The following DNAJC18 variants were observed in gnomAD, a reference collection of about 807,000 sequenced individuals.
DNAJC18 encodes the protein dnaJ homolog subfamily C member 18.
A neutral mutation model predicts 48.6 loss-of-function variants in DNAJC18; 40 were observed. That is an observed-to-expected ratio of 0.82 (90% CI 0.64 to 1.07). The LOEUF (loss-of-function observed/expected upper bound fraction) is 1.07, where lower values mean the gene tolerates loss of function less well. Ranked by LOEUF, DNAJC18 falls within the 50% of genes least tolerant of loss-of-function variation. The pLI is 0.00. For missense variants in DNAJC18, 340 were observed against 427.7 expected, an observed-to-expected ratio of 0.79 and a Z score of 1.81; for synonymous variants, 135 against 152.2, an observed-to-expected ratio of 0.89 and a Z score of 0.83.
At chr5:139,416,396 T>C (rs902711354) in intron 7 of DNAJC18, among the ~76,000 whole-genome samples, 1 of 152,122 alleles carries the variant, frequency 6.6e-6, no homozygotes, top group Non-Finnish European at 1.5e-5. Context: ...GAACCTCTCC[T>C]AAGGTTCTCT....
At chr5:139,429,080 C>CTTT (rs559935676) in intron 2 of DNAJC18, among the ~76,000 whole-genome samples, 53 of 114,570 alleles carry the variant, frequency 4.6e-4, no homozygotes, top group Non-Finnish European at 5.2e-4. Context: ...GTATTTTTTG[C>CTTT]TTTTTTTTTT....
intron 6 of DNAJC18, among the ~76,000 whole-genome samples, chr5:139,421,802 T>C (rs183295117): frequency 1.6e-3 from 243 of 152,234 alleles, no homozygotes; most frequent in African/African-American, 5.6e-3. Flanking sequence ...AGTGAGACTC[T>C]GTCTCAAAAA....
At chr5:139,415,684 A>G (rs1759060498) in intron 7 of DNAJC18, among the ~76,000 whole-genome samples, 1 of 152,230 alleles carries the variant, frequency 6.6e-6, no homozygotes, top group Non-Finnish European at 1.5e-5. Context: ...CATCCTGCCC[A>G]GGGCTCGGCA....
chr5:139,429,215 C>T (rs1310675515), intron 2 of DNAJC18, among the ~76,000 whole-genome samples: 4 of 151,614 alleles, frequency 2.6e-5, no homozygotes, highest in African/African-American at 7.3e-5. Context: ...TCCCGAGTAG[C>T]TGAGATTACA....
At chr5:139,415,534 G>C (rs1759058238) in intron 7 of DNAJC18, among the ~76,000 whole-genome samples, 1 of 152,240 alleles carries the variant, frequency 6.6e-6, no homozygotes, top group Admixed American at 6.5e-5. Context: ...CCAGGCTCCA[G>C]AACAATGCGC....
At chr5:139,434,208 T>A (rs533802395) in intron 2 of DNAJC18, among the ~76,000 whole-genome samples, 4 of 152,136 alleles carry the variant, frequency 2.6e-5, no homozygotes, top group Non-Finnish European at 5.9e-5. Context: ...ATCTAAAAAA[T>A]TTTTCCAATG....
intron 5 of DNAJC18, among the ~76,000 whole-genome samples, chr5:139,423,214 A>G (rs1243747298): frequency 6.6e-6 from 1 of 152,196 alleles, no homozygotes; most frequent in Non-Finnish European, 1.5e-5. Context: ...AATGCACTGC[A>G]TAGGAGGATC....
At position 139,426,253 on chromosome 5, in the gene DNAJC18, A is replaced by C; in HGVS notation, c.478T>G (p.Tyr160Asp). ...VTFTAPRARPYNYYRDFEADI... is the reference protein window; with the variant it reads ...VTFTAPRARPDNYYRDFEADI... ...GCTTCAAAATCCCTGTAATAATTAT[A>C]AGGTCTGGCTCGAGGGGCAGTGAAA... The change falls in exon 4 of 8, where the codon TAT becomes GAT. Residue 160 changes from tyrosine (Y) to aspartate (D), a missense_variant. Tyr to Asp is a radical substitution (Grantham distance 160). Coordinates refer to ENST00000302060, the MANE Select transcript of DNAJC18 (RefSeq NM_152686.4). 1 of 1,614,226 alleles carries C rather than the reference A, an allele frequency of 6.2e-7. No homozygotes were observed. The highest frequency in any genetic ancestry group is 1.1e-5 in the South Asian group (1 of 91,086).
intron 2 of DNAJC18, among the ~76,000 whole-genome samples, chr5:139,434,317 CTATT>C (rs144174185): frequency 0.015 from 2,279 of 152,072 alleles, 25 homozygotes; most frequent in Non-Finnish European, 0.022. Context: ...TTTTTTAAAA[CTATT>C]TATTTATTTA....
chr5:139,419,225 C>A, intron 7 of DNAJC18: 1 of 436,040 alleles, frequency 2.3e-6, no homozygotes, highest in Non-Finnish European at 4.5e-6. Flanking sequence ...TTAGAAGACA[C>A]AGTCACTAAC....
chr5:139,429,471 C>T (rs1019261870), intron 2 of DNAJC18, among the ~76,000 whole-genome samples: 2 of 152,158 alleles, frequency 1.3e-5, no homozygotes, highest in African/African-American at 2.4e-5. Context: ...TTTCCTGCTT[C>T]ATCATTCCCT....
chr5:139,420,351 A>G (rs1341451821), intron 6 of DNAJC18, 126 bp from the exon 7 acceptor site: 4 of 930,444 alleles, frequency 4.3e-6, no homozygotes, highest in Non-Finnish European at 6.3e-6. Flanking sequence ...ATTTTCTAAT[A>G]TACCCAACAC....
intron 5 of DNAJC18, among the ~76,000 whole-genome samples, chr5:139,423,475 G>A (rs1257061308): frequency 6.7e-6 from 1 of 150,006 alleles, no homozygotes; most frequent in Non-Finnish European, 1.5e-5. Context: ...CTGCAGCCTT[G>A]ACCTCCTGGG....
chr5:139,423,193 A>T (rs2152083531), intron 5 of DNAJC18, among the ~76,000 whole-genome samples: 1 of 152,294 alleles, frequency 6.6e-6, no homozygotes, highest in Middle Eastern at 3.4e-3. Context: ...CAAAGAAAAT[A>T]ACAAATTATC....
intron 7 of DNAJC18, 86 bp downstream of exon 7, chr5:139,419,967 A>G: frequency 7.5e-7 from 1 of 1,332,084 alleles, no homozygotes; most frequent in Non-Finnish European, 1.0e-6. Context: ...AGCCTCAAAC[A>G]AGAAGAGAGG....
At chr5:139,433,011 G>A (rs1759354327) in intron 2 of DNAJC18, among the ~76,000 whole-genome samples, 1 of 152,156 alleles carries the variant, frequency 6.6e-6, no homozygotes. Context: ...CTGGCCGCAG[G>A]GTTCACACCT....
chr5:139,424,305 C>T lies in DNAJC18; in HGVS notation c.669+700G>A, dbSNP rs1407076055. Among the ~76,000 whole-genome samples, 5 of 152,284 alleles carry T rather than the reference C, an allele frequency of 3.3e-5. No individual in the cohort carries two copies. The South Asian group carries it at 6.2e-4, about 19-fold the overall frequency. ...TGGGAGCCTGACAGTATCCCAGTTC[C>T]TTGTTCCTGTCTGTCATGAGGCCCA... is the stretch of plus-strand genomic sequence containing the variant. On this transcript the variant is annotated intron_variant, in intron 5 of 7. Transcript: ENST00000302060.
chr5:139,424,915 A>G, intron 5 of DNAJC18, 90 bp downstream of exon 5: 1 of 1,059,624 alleles, frequency 9.4e-7, no homozygotes, highest in Non-Finnish European at 1.4e-6. Flanking sequence ...AACATATCTC[A>G]GGTTCAACTT....
chr5:139,435,718 T>TGTTTTTTTTTTTTTTTTTG (rs1750633197), intron 2 of DNAJC18, among the ~76,000 whole-genome samples: 1 of 120,866 alleles, frequency 8.3e-6, no homozygotes, highest in Admixed American at 8.8e-5. Context: ...TTTTTTTTTT[T>TGTTTTTTTTTTTTTTTTTG]TTTTTTTTTT....
Sources: gnomAD v4.1 joint callset for allele counts (sites outside exome capture counted in the v4.1 genomes callset) on GRCh38, gnomAD v4.1.1 for gene constraint, MANE v1.5 for transcripts, NCBI Gene and HGNC (gene_info 2026-07-23, HGNC 2026-07-21) for gene names.